THOP1: variants seen among roughly 807,000 people sequenced by gnomAD.
THOP1 encodes the protein thimet oligopeptidase.
A neutral mutation model predicts 71.8 loss-of-function variants in THOP1; 49 were observed. That is an observed-to-expected ratio of 0.68 (90% confidence interval 0.54 to 0.87). The LOEUF (loss-of-function observed/expected upper bound fraction) is 0.87. THOP1 is among the 40% of genes least tolerant of loss of function. THOP1 has a pLI of 0.00. For synonymous variants in THOP1, 426 were observed against 421.5 expected, an observed-to-expected ratio of 1.01 and a Z score of -0.13; for missense variants, 843 against 975.6, an observed-to-expected ratio of 0.86 and a Z score of 1.81.
chr19:2,794,089 G>A (rs148832152), intron 2 of THOP1, among the ~76,000 whole-genome samples: 163 of 150,142 alleles, frequency 1.1e-3, no homozygotes, highest in Middle Eastern at 6.9e-3. Context: ...ATTTCAACTC[G>A]CTGCAACCTC....
chr19:2,813,243 CG>C lies in THOP1; in HGVS notation c.2042del (p.Gly681AlafsTer68). 1 of 1,610,470 alleles carries C rather than the reference CG, an allele frequency of 6.2e-7. No individual in the cohort carries two copies. The highest frequency in any genetic ancestry group is 8.5e-7 in the Non-Finnish European group (1 of 1,179,196). ...AFLLSKGLQV[G>X]GCEPEPQVC ...TCCTCCTGAGCAAGGGGCTGCAGGT[CG>C]GGGGCTGCGAGCCCGAGCCGCAGGT... is the stretch of plus-strand genomic sequence containing the variant. On this transcript the variant is annotated frameshift_variant, in exon 13 of 13. Coordinates refer to ENST00000307741, the MANE Select transcript of THOP1 (RefSeq NM_003249.5). LOFTEE classifies it high-confidence loss of function.
chr19:2,808,103 C>T, intron 8 of THOP1, 140 bp from the exon 9 acceptor site: 1 of 1,036,786 alleles, frequency 9.6e-7, no homozygotes, highest in African/African-American at 1.6e-5. Flanking sequence ...CGCCAAGCCA[C>T]CTCTGCTGAG....
chr19:2,806,929 A>G lies in THOP1; in HGVS notation c.763A>G (p.Ile255Val). The G allele has an allele frequency of 6.2e-7, 1 of 1,612,938 alleles. No homozygotes were observed. The highest frequency in any genetic ancestry group is 2.2e-5 in the East Asian group (1 of 44,848). ...GTGTCGGTTGCAGGAGAACTGCGCT[A>G]TCCTCAAGGAGCTGGTGACGCTGCG... ...NCRCKEENCAILKELVTLRAQ... is the reference protein window; with the variant it reads ...NCRCKEENCAVLKELVTLRAQ... The change falls in exon 7 of 13, where the codon ATC becomes GTC. Residue 255 changes from isoleucine to valine, a missense_variant. Transcript: ENST00000307741.
chr19:2,795,035 G>A (rs1402049658), intron 3 of THOP1, 123 bp downstream of exon 3: 2 of 1,214,246 alleles, frequency 1.6e-6, no homozygotes, highest in Non-Finnish European at 2.3e-6. Flanking sequence ...TGTTGGTCAG[G>A]CTAGTCTCGA....
At chr19:2,810,128 GC>G in intron 9 of THOP1, 175 bp from the exon 10 acceptor site, 1 of 779,118 alleles carries the variant, frequency 1.3e-6, no homozygotes. Flanking sequence ...GCAGCCAGCA[GC>G]AGCCCAGGGG....
chr19:2,788,878 G>T (rs1392516487), intron 1 of THOP1, among the ~76,000 whole-genome samples: 1 of 151,304 alleles, frequency 6.6e-6, no homozygotes, highest in South Asian at 2.1e-4. Context: ...TTCCTGTCTC[G>T]GCCTCCAGAG....
Position 2,785,544 on chromosome 19 carries a change from A to G in THOP1, c.-119A>G. 1.6e-6 allele frequency: 2 copies of G among 1,255,162 alleles called. No individual in the cohort carries two copies. The highest frequency in any genetic ancestry group is 6.2e-5 in the East Asian group (2 of 32,392). 77.8% of individuals were successfully genotyped at this position (1,255,162 alleles called of 1,614,324 possible). On this transcript the variant is annotated 5_prime_UTR_variant, in exon 1 of 13. Transcript: ENST00000307741. ...GCGGGCGGCGGGCCCCTTGGTCCTC[A>G]GGCGGCCGTGGCGGCGGTGGCGGCG... is the stretch of plus-strand genomic sequence containing the variant.
chr19:2,801,140 G>A lies in THOP1; in HGVS notation c.589+1349G>A, dbSNP rs1268159683. Among the ~76,000 whole-genome samples, 2 of 152,170 alleles carry A rather than the reference G, an allele frequency of 1.3e-5. No individual in the cohort carries two copies. The highest frequency in any genetic ancestry group is 2.9e-5 in the Non-Finnish European group (2 of 68,028). On this transcript the variant is annotated intron_variant, in intron 5 of 12. Coordinates refer to ENST00000307741, the MANE Select transcript of THOP1 (RefSeq NM_003249.5). The surrounding 1 kb of genome is among the most constrained non-coding windows in gnomAD (Gnocchi z 5.1). ...ATTGTTGGAAGGAAAGGGGAGGTCT[G>A]GAAGGTCCTTGGGCACGCACAGTTA...
At chr19:2,803,020 G>A (rs1439366400) in intron 5 of THOP1, among the ~76,000 whole-genome samples, 2 of 151,076 alleles carry the variant, frequency 1.3e-5, no homozygotes, top group Non-Finnish European at 2.9e-5. Flanking sequence ...CTCTGAGCCC[G>A]CGCTTACTGT....
chr19:2,797,952 G>A (rs1916057762), intron 4 of THOP1, among the ~76,000 whole-genome samples: 1 of 152,218 alleles, frequency 6.6e-6, no homozygotes, highest in Non-Finnish European at 1.5e-5. Flanking sequence ...GTCAGGGTCC[G>A]TCTCAGTACT....
At chr19:2,803,019 C>T (rs533988250) in intron 5 of THOP1, among the ~76,000 whole-genome samples, 2 of 151,360 alleles carry the variant, frequency 1.3e-5, no homozygotes, top group Admixed American at 1.3e-4. Flanking sequence ...CCTCTGAGCC[C>T]GCGCTTACTG....
chr19:2,795,324 A>G (rs138278550), intron 3 of THOP1, among the ~76,000 whole-genome samples: 40 of 152,316 alleles, frequency 2.6e-4, no homozygotes, highest in Middle Eastern at 3.4e-3. Flanking sequence ...CCATCCCCAC[A>G]TGGCGTGAGC....
At chr19:2,807,093 A>G in intron 7 of THOP1, 41 bp downstream of exon 7, 1 of 1,580,848 alleles carries the variant, frequency 6.3e-7, no homozygotes, top group South Asian at 1.1e-5. Flanking sequence ...CCTGTGGGGA[A>G]GGTTCTCAGG....
Position 2,813,458 on chromosome 19 carries a change from C to A in THOP1, c.*182C>A. ...TCGTGGCCCACCCGGCTAGAGACGG[C>A]GTCCTCAAGGCATCTGGAGGGCTTT... On this transcript the variant is annotated 3_prime_UTR_variant, in exon 13 of 13. Coordinates refer to ENST00000307741, the MANE Select transcript of THOP1 (RefSeq NM_003249.5). The A allele has an allele frequency of 2.7e-6, 2 of 740,820 alleles. No homozygotes were observed. Among genetic ancestry groups the A allele is most frequent in the Non-Finnish European group, 4.2e-6 (2 of 477,478 alleles). The allele number at this position is 740,820 out of a possible 1,614,324, so 45.9% of individuals were successfully genotyped here.
At chr19:2,789,947 G>A (rs1481384844) in intron 1 of THOP1, 2 of 159,960 alleles carry the variant, frequency 1.3e-5, no homozygotes, top group Non-Finnish European at 2.8e-5. Flanking sequence ...TACAGATGGG[G>A]TTTCACCATA....
At chr19:2,808,805 C>T (rs962918009) in intron 9 of THOP1, among the ~76,000 whole-genome samples, 1 of 152,204 alleles carries the variant, frequency 6.6e-6, no homozygotes, top group African/African-American at 2.4e-5. Context: ...GTCCCCATCT[C>T]GTCTTCTTAC....
chr19:2,794,631 C>G, intron 2 of THOP1, 133 bp from the exon 3 acceptor site: 1 of 1,142,346 alleles, frequency 8.8e-7, no homozygotes, highest in Non-Finnish European at 1.2e-6. Context: ...GTCCCAGCTA[C>G]TTGGGAGGCT....
At position 2,801,074 on chromosome 19, in the gene THOP1, A is replaced by G. The variant is rs1040229777; in HGVS notation, c.589+1283A>G. ...GTGCCAGCTTTCAGGCAGTACTTTCATGAGAGAAGGTGCAGAGGTGGATTC... is the reference window on the plus strand; with the variant it reads ...GTGCCAGCTTTCAGGCAGTACTTTCGTGAGAGAAGGTGCAGAGGTGGATTC... On this transcript the variant is annotated intron_variant, in intron 5 of 12. Transcript: ENST00000307741. The surrounding 1 kb of genome is among the most constrained non-coding windows in gnomAD (Gnocchi z 5.1). 2.0e-5 allele frequency among the ~76,000 whole-genome samples: 3 copies of G among 152,190 alleles called. No homozygotes were observed. Among genetic ancestry groups the G allele is most frequent in the African/African-American group, 7.2e-5 (3 of 41,440 alleles).
At chr19:2,802,863 T>G (rs999911645) in intron 5 of THOP1, among the ~76,000 whole-genome samples, 1 of 152,226 alleles carries the variant, frequency 6.6e-6, no homozygotes, top group African/African-American at 2.4e-5. Context: ...ATTCCCGGGT[T>G]ATCATTCATT....
Sources: allele counts gnomAD v4.1 joint callset (sites outside exome capture counted in the v4.1 genomes callset), GRCh38; gene constraint gnomAD v4.1.1; non-coding constraint Gnocchi (gnomAD v3.1); transcripts MANE v1.5; gene names NCBI Gene and HGNC (gene_info 2026-07-23, HGNC 2026-07-21).